The following YIPF6 variants were observed in gnomAD, a reference collection of about 807,000 sequenced individuals.
The protein encoded by YIPF6 is Yip1 domain family member 6.
YIPF6 carries 3 observed loss-of-function variants against 16.8 expected under a neutral mutation model. That is an observed-to-expected ratio of 0.18 (90% confidence interval 0.08 to 0.46). YIPF6 has a LOEUF of 0.46. Among genes scored for constraint, YIPF6 ranks in the 20% least tolerant of loss-of-function variants. The pLI is 0.98. For synonymous variants in YIPF6, 67 were observed against 61.9 expected (o/e 1.08, Z -0.38); for missense variants, 145 against 184.9 (o/e 0.78, Z 1.25).
At chrX:68,521,351 T>TA in intron 4 of YIPF6, 21 bp from the exon 5 acceptor site, 4 of 1,204,912 alleles carry the variant, frequency 3.3e-6, no homozygotes, top group Non-Finnish European at 4.5e-6. Flanking sequence ...AAGCAATTCT[T>TA]ACGCTGTTTC....
chrX:68,502,438 A>G (rs1192733624), intron 1 of YIPF6, among the ~76,000 whole-genome samples: 1 of 111,393 alleles, frequency 9.0e-6, no homozygotes, highest in Non-Finnish European at 1.9e-5. Context: ...AGGGCCCGAG[A>G]TTTTGCATTT....
At chrX:68,523,792 A>T (rs2079136283) in intron 6 of YIPF6, among the ~76,000 whole-genome samples, 1 of 111,949 alleles carries the variant, frequency 8.9e-6, no homozygotes, top group Non-Finnish European at 1.9e-5. Flanking sequence ...AGAGAGCCAG[A>T]ACTGATATTC....
At chrX:68,527,214 G>A in intron 6 of YIPF6, among the ~76,000 whole-genome samples, 1 of 111,680 alleles carries the variant, frequency 9.0e-6, no homozygotes, top group Non-Finnish European at 1.9e-5. Context: ...GGGATTATGT[G>A]TCCAGGAATT....
rs2079180410 is a variant in YIPF6 at position 68,533,625 on chromosome X, G to T, written c.*1626G>T. The T allele has an allele frequency of 8.9e-6, 1 of 111,940 alleles. No individual in the cohort carries two copies. The highest frequency in any genetic ancestry group is 3.2e-5 in the African/African-American group (1 of 30,845). The allele number at this position is 111,940 out of a possible 1,213,427, so 9.2% of individuals were successfully genotyped here. A position where few individuals can be genotyped will look rare whatever the true frequency, so the allele number is the denominator to read the frequency against. The stretch of plus-strand genomic sequence containing the variant: ...AATGATAATAACAAAGCATTACAAA[G>T]TGGGTCCCCTTGGTTCCAGCCTTGT... On this transcript the variant is annotated 3_prime_UTR_variant, in exon 7 of 7. Transcript: ENST00000462683.
intron 6 of YIPF6, among the ~76,000 whole-genome samples, chrX:68,528,630 T>G (rs1241658909): frequency 8.9e-6 from 1 of 112,181 alleles, no homozygotes; most frequent in African/African-American, 3.2e-5. Flanking sequence ...TGGTTTTTCC[T>G]TTCCATGTTT....
intron 1 of YIPF6, among the ~76,000 whole-genome samples, chrX:68,499,807 T>C (rs1467195324): frequency 9.0e-6 from 1 of 111,458 alleles, no homozygotes; most frequent in Non-Finnish European, 1.9e-5. Context: ...CAGGCTAATT[T>C]TTAGTATTTT....
intron 3 of YIPF6, 168 bp downstream of exon 3, chrX:68,513,573 GATTTT>G (rs951360307): frequency 2.2e-5 from 7 of 321,466 alleles, no homozygotes; most frequent in African/African-American, 1.4e-4. Flanking sequence ...ATTAAAAATT[GATTTT>G]ATTTTATTTT....
chrX:68,533,440 C>T lies in YIPF6; in HGVS notation c.*1441C>T, dbSNP rs974801240. The T allele has an allele frequency of 1.6e-4, 18 of 111,801 alleles. No homozygotes were observed. The highest frequency in any genetic ancestry group is 5.8e-4 in the African/African-American group (18 of 30,774). The allele number at this position is 111,801 out of a possible 1,213,427, so 9.2% of individuals were successfully genotyped here. A position where few individuals can be genotyped will look rare whatever the true frequency, so the allele number is the denominator to read the frequency against. ...TGTAAATATACTATTAGTTGATAAA[C>T]ATAGGACTTTCTTATTCCCCAGTTT... On this transcript the variant is annotated 3_prime_UTR_variant, in exon 7 of 7. Coordinates refer to ENST00000462683, the MANE Select transcript of YIPF6 (RefSeq NM_173834.4).
In YIPF6 at chrX:68,537,213, TAATA is replaced by T. The variant is rs1430320529; in HGVS notation, c.*5218_*5221del. 5.3e-5 allele frequency: 6 copies of T among 112,321 alleles called. No homozygotes were observed. The highest frequency in any genetic ancestry group is 7.4e-4 in the South Asian group (2 of 2,713). The allele number at this position is 112,321 out of a possible 1,213,427, so 9.3% of individuals were successfully genotyped here. A position where few individuals can be genotyped will look rare whatever the true frequency, so the allele number is the denominator to read the frequency against. On this transcript the variant is annotated 3_prime_UTR_variant, in exon 7 of 7. Transcript: ENST00000462683. Reference sequence around the variant, plus strand: ...TTTAATCTTGATTTTTTTCTATAAATAATAAATCTGTGAAAAATCTGTAAAAAGA... The same window carrying T: ...TTTAATCTTGATTTTTTTCTATAAATAATCTGTGAAAAATCTGTAAAAAGA...
At chrX:68,512,830 AT>A (rs200742201) in intron 2 of YIPF6, among the ~76,000 whole-genome samples, 2,006 of 96,680 alleles carry the variant, frequency 0.021, 39 homozygotes, top group African/African-American at 0.058. Context: ...CAGTTTCTTG[AT>A]TTTTTTTTTT....
chrX:68,530,216 G>A (rs189382117), intron 6 of YIPF6, among the ~76,000 whole-genome samples: 3 of 111,683 alleles, frequency 2.7e-5, no homozygotes, highest in African/African-American at 9.8e-5. Flanking sequence ...TTGCTGAGCT[G>A]TGGTGGGCTC....
chrX:68,511,946 C>A lies in YIPF6; in HGVS notation c.155C>A (p.Ser52Tyr). The A allele has an allele frequency of 8.3e-7, 1 of 1,209,713 alleles. No individual in the cohort carries two copies. The highest frequency in any genetic ancestry group is 1.1e-6 in the Non-Finnish European group (1 of 894,906). The change falls in exon 2 of 7, where the codon TCC (serine) becomes TAC (tyrosine). Residue 52 changes from serine to tyrosine, a missense_variant. Transcript: ENST00000462683. ...TCTCGCATCCGGGAGTTTGACAGCT[C>A]CACATTAAATGAATCTGTTCGCAAT... ...MRSRIREFDS[S>Y]TLNESVRNTI...
At chrX:68,529,579 T>A (rs1266967496) in intron 6 of YIPF6, among the ~76,000 whole-genome samples, 1 of 111,317 alleles carries the variant, frequency 9.0e-6, no homozygotes, top group African/African-American at 3.3e-5. Context: ...TTTTCGGCCT[T>A]TTTGTGCTGG....
chrX:68,527,742 C>T (rs1255526002), intron 6 of YIPF6, among the ~76,000 whole-genome samples: 1 of 111,955 alleles, frequency 8.9e-6, no homozygotes, highest in Non-Finnish European at 1.9e-5. Context: ...AGTAGTCATT[C>T]AAGAGCAGGT....
At chrX:68,517,118 G>A (rs986544443) in intron 3 of YIPF6, among the ~76,000 whole-genome samples, 1 of 107,310 alleles carries the variant, frequency 9.3e-6, no homozygotes, top group Non-Finnish European at 1.9e-5. Context: ...TACCGAACCC[G>A]ACCAAATCAC....
intron 1 of YIPF6, among the ~76,000 whole-genome samples, chrX:68,510,406 C>T (rs2147819483): frequency 9.1e-6 from 1 of 109,540 alleles, no homozygotes; most frequent in East Asian, 2.9e-4. Flanking sequence ...TTTATATGGA[C>T]AACATATATT....
intron 1 of YIPF6, 87 bp from the exon 2 acceptor site, chrX:68,511,762 G>T: frequency 9.5e-7 from 1 of 1,054,335 alleles, no homozygotes. Flanking sequence ...CAAAATACAT[G>T]GTCCCAACTC....
intron 1 of YIPF6, chrX:68,510,909 G>C (rs756399335): frequency 8.9e-6 from 1 of 112,603 alleles, no homozygotes; most frequent in African/African-American, 3.2e-5. Flanking sequence ...CTGGGATTAC[G>C]GGCATGAGCC....
chrX:68,513,275 G>T (rs2079088221), intron 2 of YIPF6, 52 bp from the exon 3 acceptor site: 1 of 1,032,762 alleles, frequency 9.7e-7, no homozygotes, highest in Admixed American at 2.8e-5. Context: ...ATTAAGTAAG[G>T]CTGCTGGCAA....
Sources: allele counts gnomAD v4.1 joint callset (sites outside exome capture counted in the v4.1 genomes callset), GRCh38; gene constraint gnomAD v4.1.1; transcripts MANE v1.5; gene names NCBI Gene and HGNC (gene_info 2026-07-23, HGNC 2026-07-21).